Variants in CPEB3 observed in about 807,000 individuals in gnomAD.
CPEB3 encodes cytoplasmic polyadenylation element-binding protein 3.
Under a neutral mutation model 67.2 loss-of-function variants are expected in CPEB3, and 20 were observed. The observed-to-expected ratio is 0.30, with a 90% CI of 0.21 to 0.43. The LOEUF (loss-of-function observed/expected upper bound fraction) is 0.43. Among genes scored for constraint, CPEB3 ranks in the 20% least tolerant of loss-of-function variants. CPEB3 has a pLI of 1.00. For missense variants in CPEB3, 746 were observed against 968.6 expected, an observed-to-expected ratio of 0.77 and a Z score of 3.05; for synonymous variants, 376 against 393.1, an observed-to-expected ratio of 0.96 and a Z score of 0.51.
At chr10:92,229,739 A>T (rs1356927758) in intron 2 of CPEB3, among the ~76,000 whole-genome samples, 3 of 152,218 alleles carry the variant, frequency 2.0e-5, no homozygotes, top group African/African-American at 7.2e-5. Context: ...TTCTACAGAT[A>T]TCTTGTATAG....
At chr10:92,069,980 C>T (rs180894174) in intron 9 of CPEB3, among the ~76,000 whole-genome samples, 1 of 152,248 alleles carries the variant, frequency 6.6e-6, no homozygotes, top group Non-Finnish European at 1.5e-5. Flanking sequence ...ATTTCCTTGC[C>T]CTGTCCGAAA....
chr10:92,181,209 T>C (rs1259997848), intron 3 of CPEB3, among the ~76,000 whole-genome samples, 190 bp from the exon 4 acceptor site: 3 of 150,968 alleles, frequency 2.0e-5, no homozygotes, highest in Admixed American at 6.6e-5. Flanking sequence ...AAAGCCAAAG[T>C]TTCAACAACA....
intron 1 of CPEB3, among the ~76,000 whole-genome samples, chr10:92,244,623 G>C (rs1279675718): frequency 6.6e-6 from 1 of 151,830 alleles, no homozygotes; most frequent in African/African-American, 2.4e-5. Flanking sequence ...ATTTTTAGTA[G>C]AAAAGGGTTT....
At chr10:92,243,953 T>C (rs1851952818) in intron 1 of CPEB3, among the ~76,000 whole-genome samples, 1 of 152,196 alleles carries the variant, frequency 6.6e-6, no homozygotes, top group Non-Finnish European at 1.5e-5. Flanking sequence ...TATTTTTACT[T>C]GTCAAAATAA....
chr10:92,281,507 A>G (rs1027457333), intron 1 of CPEB3, among the ~76,000 whole-genome samples: 23 of 152,122 alleles, frequency 1.5e-4, no homozygotes, highest in African/African-American at 5.3e-4. Context: ...TTTCACTACG[A>G]TGGTATCCTT....
chr10:92,113,918 A>C (rs773623925), intron 6 of CPEB3, among the ~76,000 whole-genome samples: 1 of 152,230 alleles, frequency 6.6e-6, no homozygotes, highest in Non-Finnish European at 1.5e-5. Context: ...AAATATCTAT[A>C]AACAATTTCT....
chr10:92,071,342 T>C lies in CPEB3; in HGVS notation c.1869+9978A>G, dbSNP rs148290826. The stretch of plus-strand genomic sequence containing the variant: ...TGGTTGTGTTGGGGGGCAGCAGGAG[T>C]TGCCCCAGATTTTTATAAACAAATT... On this transcript the variant is annotated intron_variant, in intron 9 of 9. Coordinates refer to ENST00000265997, the MANE Select transcript of CPEB3 (RefSeq NM_014912.5). 2.2e-3 allele frequency among the ~76,000 whole-genome samples: 335 copies of C among 151,962 alleles called. 1 individual carries two copies. Among genetic ancestry groups the C allele is most frequent in the African/African-American group, 7.5e-3 (311 of 41,424 alleles).
chr10:92,253,605 T>C (rs1226536597), intron 1 of CPEB3, among the ~76,000 whole-genome samples: 3 of 152,018 alleles, frequency 2.0e-5, no homozygotes, highest in Non-Finnish European at 2.9e-5. Flanking sequence ...TAGCCAGGCA[T>C]GGTGGCATGT....
intron 1 of CPEB3, among the ~76,000 whole-genome samples, chr10:92,252,773 G>A (rs776264617): frequency 3.9e-5 from 6 of 151,928 alleles, no homozygotes; most frequent in Non-Finnish European, 8.8e-5. Context: ...TCCCACCTCG[G>A]CCTCCCAAAG....
chr10:92,192,981 G>A (rs1849056764), intron 2 of CPEB3, among the ~76,000 whole-genome samples: 1 of 152,124 alleles, frequency 6.6e-6, no homozygotes, highest in African/African-American at 2.4e-5. Flanking sequence ...AGAGGCCAAG[G>A]TGGGCAGATC....
intron 1 of CPEB3, among the ~76,000 whole-genome samples, chr10:92,288,448 C>T (rs941894164): frequency 1.1e-4 from 14 of 122,906 alleles, no homozygotes; most frequent in Non-Finnish European, 2.2e-4. Flanking sequence ...AAGCGAGACT[C>T]TGTCTCAAAA....
intron 4 of CPEB3, among the ~76,000 whole-genome samples, chr10:92,156,865 A>G (rs1847233748): frequency 6.6e-6 from 1 of 152,220 alleles, no homozygotes; most frequent in Non-Finnish European, 1.5e-5. Flanking sequence ...CACTCATTCA[A>G]CAAATATTTG....
intron 2 of CPEB3, among the ~76,000 whole-genome samples, chr10:92,194,627 C>A (rs1849142335): frequency 6.6e-6 from 1 of 152,078 alleles, no homozygotes; most frequent in Admixed American, 6.5e-5. Context: ...AACTCTAACA[C>A]AAACTAAGTA....
intron 1 of CPEB3, among the ~76,000 whole-genome samples, chr10:92,260,551 C>CAA (rs111730435): frequency 9.2e-5 from 9 of 97,576 alleles, no homozygotes; most frequent in East Asian, 6.5e-4. Context: ...AACTCCTTCT[C>CAA]AAAAAAAAAA....
At chr10:92,060,654 A>G (rs922061750) in intron 9 of CPEB3, among the ~76,000 whole-genome samples, 2 of 152,214 alleles carry the variant, frequency 1.3e-5, no homozygotes, top group Non-Finnish European at 2.9e-5. Context: ...AAGGAGCTCA[A>G]ACAACTCTAT....
At chr10:92,152,332 C>T (rs1013667004) in intron 4 of CPEB3, among the ~76,000 whole-genome samples, 6 of 152,184 alleles carry the variant, frequency 3.9e-5, no homozygotes, top group Non-Finnish European at 5.9e-5. Context: ...CACTAATCTC[C>T]GTTTTGTCTC....
chr10:92,208,560 C>CAA (rs1439652059), intron 2 of CPEB3, among the ~76,000 whole-genome samples: 5 of 150,694 alleles, frequency 3.3e-5, no homozygotes, highest in Non-Finnish European at 7.4e-5. Flanking sequence ...GGCAATGTGT[C>CAA]TGGCCTCCCT....
At chr10:92,178,972 C>A (rs1158251967) in intron 4 of CPEB3, among the ~76,000 whole-genome samples, 1 of 152,060 alleles carries the variant, frequency 6.6e-6, no homozygotes, top group Non-Finnish European at 1.5e-5. Flanking sequence ...TTTAAGGAGA[C>A]AACAAGGTTC....
At chr10:92,281,455 T>C (rs905750418) in intron 1 of CPEB3, among the ~76,000 whole-genome samples, 2 of 152,168 alleles carry the variant, frequency 1.3e-5, no homozygotes, top group African/African-American at 4.8e-5. Flanking sequence ...CCTTTTCAGA[T>C]ACAGGATTTC....
Sources: allele counts gnomAD v4.1 joint callset (sites outside exome capture counted in the v4.1 genomes callset), GRCh38; gene constraint gnomAD v4.1.1; transcripts MANE v1.5; gene names NCBI Gene and HGNC (gene_info 2026-07-23, HGNC 2026-07-21).